MYH11: variants seen among roughly 807,000 people sequenced by gnomAD.
MYH11 encodes the protein myosin-11.
In MYH11, 80 loss-of-function variants were observed where a neutral mutation model predicts 246.6. That is an observed-to-expected ratio of 0.32 (90% CI 0.27 to 0.39). The LOEUF (loss-of-function observed/expected upper bound fraction) is 0.39, where lower values mean the gene tolerates loss of function less well. Among genes scored for constraint, MYH11 ranks in the 10% least tolerant of loss-of-function variants. The pLI is 1.00. For missense variants in MYH11, 2,158 were observed against 2,546.8 expected, an observed-to-expected ratio of 0.85 and a Z score of 3.29; for synonymous variants, 1,071 against 1,015.5, an observed-to-expected ratio of 1.05 and a Z score of -1.04.
At chr16:15,849,819 G>C (rs66834422) in intron 1 of MYH11, among the ~76,000 whole-genome samples, 1 of 152,010 alleles carries the variant, frequency 6.6e-6, no homozygotes, top group African/African-American at 2.4e-5. Context: ...GTCAAGTAAC[G>C]AGTCTCAGCT....
At chr16:15,778,637 C>A (rs2042277418) in intron 7 of MYH11, 143 bp downstream of exon 7, 2 of 859,390 alleles carry the variant, frequency 2.3e-6, no homozygotes, top group Non-Finnish European at 3.9e-6. Flanking sequence ...CACCACAATG[C>A]CTGCTGTTAA....
At chr16:15,813,699 A>G (rs2043191478) in intron 3 of MYH11, among the ~76,000 whole-genome samples, 1 of 152,134 alleles carries the variant, frequency 6.6e-6, no homozygotes, top group Non-Finnish European at 1.5e-5. Flanking sequence ...CCAAAAATAC[A>G]TGAACCAGTT....
intron 40 of MYH11, among the ~76,000 whole-genome samples, chr16:15,705,678 C>G (rs1393935808): frequency 1.3e-5 from 2 of 152,076 alleles, no homozygotes; most frequent in Non-Finnish European, 2.9e-5. Context: ...GTGACCAATT[C>G]TTTAGTCAAA....
In MYH11 at chr16:15,727,039, C is replaced by A. The variant is rs1264829172; in HGVS notation, c.3667G>T (p.Asp1223Tyr). 1 of 1,611,682 alleles carries A rather than the reference C, an allele frequency of 6.2e-7. No homozygotes were observed. Among genetic ancestry groups the A allele is most frequent in the African/African-American group, 1.3e-5 (1 of 74,830 alleles). ...TTCTCCAGCGTCTGCTTATTCTTGT[C>A]TAGGTTCGCCTTGGCCTGGCGAAGG... The part of the protein sequence containing the change: ...EQFKRAKANL[D>Y]KNKQTLEKEN... The change falls in exon 28 of 41, where the codon GAC becomes TAC. Residue 1223 changes from aspartate to tyrosine, a missense_variant. Asp to Tyr is a radical substitution (Grantham distance 160). Around this residue, in one of 11 missense-constraint regions of MYH11, gnomAD observed 1,013 missense variants for 993.5 expected, o/e 1.02. Coordinates refer to ENST00000300036, the MANE Select transcript of MYH11 (RefSeq NM_002474.3).
intron 31 of MYH11, among the ~76,000 whole-genome samples, chr16:15,723,575 G>C (rs1390048844): frequency 2.6e-5 from 4 of 152,158 alleles, no homozygotes; most frequent in African/African-American, 9.7e-5. Context: ...TGAACCCAGT[G>C]GTGGAGGTTG....
At chr16:15,768,046 G>T (rs1287846143) in intron 9 of MYH11, among the ~76,000 whole-genome samples, 1 of 152,042 alleles carries the variant, frequency 6.6e-6, no homozygotes, top group East Asian at 1.9e-4. Flanking sequence ...CCAAAGTGCT[G>T]GGATTACAGG....
At chr16:15,845,221 T>C (rs894791226) in intron 1 of MYH11, among the ~76,000 whole-genome samples, 1 of 151,966 alleles carries the variant, frequency 6.6e-6, no homozygotes, top group East Asian at 1.9e-4. Context: ...ACAGGCTGCA[T>C]GGGGCCCAGG....
Position 15,737,529 on chromosome 16 carries a change from G to C in MYH11, c.3213C>G (p.Ile1071Met), listed in dbSNP as rs374947185. The C allele has an allele frequency of 1.2e-6, 2 of 1,613,912 alleles. No individual in the cohort carries two copies. The highest frequency in any genetic ancestry group is 1.6e-4 in the Middle Eastern group (1 of 6,082). ...EGDASDFHEQ[I>M]ADLQAQIAEL... ...CTGCGATCTGCGCCTGGAGGTCAGC[G>C]ATCTGCTCGTGGAAGTCGCTGGCAT... The change falls in exon 25 of 41, where the codon ATC becomes ATG. Residue 1071 changes from isoleucine to methionine, a missense_variant. Physicochemically the swap from Ile to Met is conservative, Grantham distance 10 (BLOSUM62 1). Transcript: ENST00000300036.
At chr16:15,770,486 G>A (rs1334694208) in intron 9 of MYH11, among the ~76,000 whole-genome samples, 2 of 152,156 alleles carry the variant, frequency 1.3e-5, no homozygotes, top group African/African-American at 2.4e-5. Flanking sequence ...TTTCTGAGCT[G>A]TCCTGTTCTC....
rs748264006 is a variant in MYH11, at chr16:15,703,934, G to T, written c.*57C>A. On this transcript the variant is annotated 3_prime_UTR_variant, in exon 41 of 41. Transcript: ENST00000300036. ...TCTGGGTTGTTGTTGGGTTTTTTTTGTTTGTTTGTTTTGGTTTTTGGTTTT... is the reference window on the plus strand; with the variant it reads ...TCTGGGTTGTTGTTGGGTTTTTTTTTTTTGTTTGTTTTGGTTTTTGGTTTT... 5 of 1,607,898 alleles carry T rather than the reference G, an allele frequency of 3.1e-6. No homozygotes were observed. Among genetic ancestry groups the T allele is most frequent in the African/African-American group, 2.7e-5 (2 of 73,498 alleles).
Position 15,735,515 on chromosome 16 carries a change from G to A in MYH11, c.3357C>T (p.His1119=), listed in dbSNP as rs1448677882. The A allele has an allele frequency of 1.2e-6, 2 of 1,614,058 alleles. No individual in the cohort carries two copies. Among genetic ancestry groups the A allele is most frequent in the African/African-American group, 1.3e-5 (1 of 74,912 alleles). ...CCAGGTCCTCCTGGAGGTCTGAGAT[G>A]TGGCCCTCCAGCTCCCGGATCTTCT... ...ALKKIRELEG[H]ISDLQEDLDS... Residue 1119 remains histidine, a synonymous_variant, in exon 26 of 41, where the codon CAC becomes CAT. Transcript: ENST00000300036.
intron 2 of MYH11, among the ~76,000 whole-genome samples, chr16:15,830,161 G>A (rs2043695401): frequency 6.6e-6 from 1 of 151,946 alleles, no homozygotes; most frequent in Non-Finnish European, 1.5e-5. Context: ...ACAGGCCTGG[G>A]CAGAGTGTTG....
intron 1 of MYH11, among the ~76,000 whole-genome samples, chr16:15,842,129 G>A (rs960023202): frequency 2.3e-4 from 35 of 152,220 alleles, no homozygotes; most frequent in Non-Finnish European, 2.2e-4. Flanking sequence ...GCTCATGCCT[G>A]TAATCCCAGC....
At chr16:15,727,116 C>T in intron 27 of MYH11, 62 bp from the exon 28 acceptor site, 1 of 1,511,254 alleles carries the variant, frequency 6.6e-7, no homozygotes, top group Non-Finnish European at 9.2e-7. Flanking sequence ...ACGTTTCAGG[C>T]CCTGCCCTTT....
At chr16:15,776,296 G>C in intron 7 of MYH11, 120 bp from the exon 8 acceptor site, 1 of 752,118 alleles carries the variant, frequency 1.3e-6, no homozygotes, top group Non-Finnish European at 2.4e-6. Context: ...CCTGGGATCG[G>C]TAATGTCTAA....
At chr16:15,748,253 A>C in intron 16 of MYH11, 85 bp from the exon 17 acceptor site, 2 of 1,589,066 alleles carry the variant, frequency 1.3e-6, no homozygotes. Flanking sequence ...TGGATGACCC[A>C]CCTGGCCAGG....
intron 3 of MYH11, among the ~76,000 whole-genome samples, chr16:15,804,383 G>A (rs1173814811): frequency 6.6e-6 from 1 of 152,020 alleles, no homozygotes; most frequent in Non-Finnish European, 1.5e-5. Context: ...TTAGCTGGGC[G>A]CGGTGGTGCA....
At position 15,794,272 on chromosome 16, in the gene MYH11, C is replaced by G. The variant is rs184536574; in HGVS notation, c.530+4388G>C. Among the ~76,000 whole-genome samples the G allele has an allele frequency of 4.3e-4, 65 of 152,270 alleles. No individual in the cohort carries two copies. In the East Asian group the frequency reaches 0.012, roughly 28 times the overall value. On this transcript the variant is annotated intron_variant, in intron 4 of 40. Coordinates refer to ENST00000300036, the MANE Select transcript of MYH11 (RefSeq NM_002474.3). ...ATTTTCAGTTTCTTAACTGCATAAC[C>G]AAACAGTTGGCTCCAGCCTGGCTTC...
intron 40 of MYH11, among the ~76,000 whole-genome samples, chr16:15,706,553 C>A (rs2039467033): frequency 6.6e-6 from 1 of 152,062 alleles, no homozygotes; most frequent in African/African-American, 2.4e-5. Flanking sequence ...ACTAAATATA[C>A]TAAATTAGCC....
Sources: gnomAD v4.1 joint callset for allele counts (sites outside exome capture counted in the v4.1 genomes callset) on GRCh38, gnomAD v4.1.1 for gene constraint, gnomAD v4.1.1 regional missense constraint, MANE v1.5 for transcripts, NCBI Gene and HGNC (gene_info 2026-07-23, HGNC 2026-07-21) for gene names.